Variants in PPFIA2 observed in about 807,000 individuals in gnomAD.
PPFIA2 encodes liprin-alpha-2.
In PPFIA2, 46 loss-of-function variants were observed where a neutral mutation model predicts 175.5. That is an observed-to-expected ratio of 0.26 (90% CI 0.21 to 0.34). The LOEUF (loss-of-function observed/expected upper bound fraction) is 0.34. Ranked by LOEUF, PPFIA2 falls within the 10% of genes least tolerant of loss-of-function variation. The probability of loss-of-function intolerance (pLI) is 1.00; values close to 1 mark genes in which losing one functional copy is unlikely to be tolerated. For missense variants in PPFIA2, 1,179 were observed against 1,506.1 expected (o/e 0.78, Z 3.60); for synonymous variants, 568 against 511.4 (o/e 1.11, Z -1.49).
chr12:81,566,508 G>GT lies in PPFIA2; in HGVS notation c.304-108643dup, dbSNP rs2071313168. 3.0e-5 allele frequency among the ~76,000 whole-genome samples: 4 copies of GT among 131,736 alleles called. No individual in the cohort carries two copies. The Admixed American group carries it at 3.3e-4, about 11-fold the overall frequency. The allele number at this position is 131,736 out of a possible 152,430, so 86.4% of individuals were successfully genotyped here. On this transcript the variant is annotated intron_variant, in intron 4 of 32. Transcript: ENST00000549396. The stretch of plus-strand genomic sequence containing the variant: ...CACTACACTCCAGCCTAGCAGCCTG[G>GT]TGACACAGTGAGACTCCAACTCAAA...
chr12:81,724,637 T>C (rs910183239), intron 3 of PPFIA2, among the ~76,000 whole-genome samples: 11 of 151,034 alleles, frequency 7.3e-5, no homozygotes, highest in Non-Finnish European at 7.4e-5. Flanking sequence ...CTATCCTTGT[T>C]GCTGCAAAAG....
chr12:81,677,702 CAT>C (rs993814871), intron 3 of PPFIA2, among the ~76,000 whole-genome samples: 4 of 151,824 alleles, frequency 2.6e-5, no homozygotes, highest in African/African-American at 9.7e-5. Flanking sequence ...TATTTCTACA[CAT>C]AGAGTATAAA....
At chr12:81,425,970 GC>G (rs1247050087) in intron 7 of PPFIA2, among the ~76,000 whole-genome samples, 1 of 152,100 alleles carries the variant, frequency 6.6e-6, no homozygotes, top group Non-Finnish European at 1.5e-5. Flanking sequence ...AGGAGGTCAG[GC>G]TTTTGCCCTC....
chr12:81,444,291 T>A (rs1008643285), intron 6 of PPFIA2, among the ~76,000 whole-genome samples: 2 of 152,196 alleles, frequency 1.3e-5, no homozygotes, highest in Non-Finnish European at 2.9e-5. Flanking sequence ...TAGCACTAAC[T>A]CTGAACTTCT....
At chr12:81,516,495 A>G (rs1219972465) in intron 4 of PPFIA2, among the ~76,000 whole-genome samples, 2 of 152,182 alleles carry the variant, frequency 1.3e-5, no homozygotes, top group Non-Finnish European at 2.9e-5. Context: ...GGGTCTTTGC[A>G]GACGTTAAAA....
At chr12:81,364,142 G>C (rs900218292) in intron 14 of PPFIA2, among the ~76,000 whole-genome samples, 1 of 151,772 alleles carries the variant, frequency 6.6e-6, no homozygotes, top group African/African-American at 2.4e-5. Context: ...TTAGGAAAAG[G>C]CATGGCAGAT....
Position 81,263,303 on chromosome 12 carries a change from A to C in PPFIA2, c.3643T>G (p.Ser1215Ala), listed in dbSNP as rs2036223958. The C allele has an allele frequency of 1.2e-6, 2 of 1,612,486 alleles. No homozygotes were observed. The highest frequency in any genetic ancestry group is 2.2e-5 in the South Asian group (2 of 90,984). Residue 1215 changes from serine to alanine, a missense_variant, in exon 31 of 33, where the codon TCC (serine) becomes GCC (alanine). Around this residue, in one of 10 missense-constraint regions of PPFIA2, gnomAD observed 245 missense variants for 375.1 expected, o/e 0.65. Coordinates refer to ENST00000549396, the MANE Select transcript of PPFIA2 (RefSeq NM_003625.5). ...AATCCAGCTGGTAATGTTTCTGAGG[A>C]CCCAGGCATCATGCTGATTCCATGT... ...EVHGISMMPG[S>A]SETLPAGFRL...
At chr12:81,369,262 T>G in intron 11 of PPFIA2, 68 bp from the exon 12 acceptor site, 3 of 1,560,806 alleles carry the variant, frequency 1.9e-6, no homozygotes, top group Middle Eastern at 1.7e-4. Context: ...CTAAATAAAT[T>G]GAAATAAAAT....
chr12:81,719,311 A>G (rs2079036375), intron 3 of PPFIA2, among the ~76,000 whole-genome samples: 1 of 151,584 alleles, frequency 6.6e-6, no homozygotes, highest in African/African-American at 2.4e-5. Flanking sequence ...ATGCAAAGCC[A>G]TATCTTGTTT....
chr12:81,528,761 A>T (rs1055812799), intron 4 of PPFIA2, among the ~76,000 whole-genome samples: 5 of 152,070 alleles, frequency 3.3e-5, no homozygotes, highest in African/African-American at 9.7e-5. Flanking sequence ...AATGTGCTAA[A>T]GCCAAGCTTT....
chr12:81,718,982 C>T (rs2078994653), intron 3 of PPFIA2, among the ~76,000 whole-genome samples: 1 of 151,582 alleles, frequency 6.6e-6, no homozygotes, highest in African/African-American at 2.4e-5. Flanking sequence ...ACTATAGCTC[C>T]ATAAATTGTT....
chr12:81,387,582 C>CT (rs1173832166), intron 8 of PPFIA2, among the ~76,000 whole-genome samples: 6 of 152,036 alleles, frequency 3.9e-5, no homozygotes, highest in African/African-American at 1.4e-4. Context: ...AGACAATTGC[C>CT]TTTTTAAAGT....
At chr12:81,444,813 C>T (rs2050910841) in intron 6 of PPFIA2, among the ~76,000 whole-genome samples, 2 of 152,086 alleles carry the variant, frequency 1.3e-5, no homozygotes, top group Non-Finnish European at 2.9e-5. Flanking sequence ...TCCCAATTTC[C>T]ACTCTAACTC....
chr12:81,758,283 C>G (rs533844064), intron 2 of PPFIA2, 117 bp downstream of exon 2: 3 of 425,174 alleles, frequency 7.1e-6, no homozygotes, highest in South Asian at 1.7e-5. Flanking sequence ...AGGCACCTAA[C>G]GGTAATCAAC....
intron 22 of PPFIA2, among the ~76,000 whole-genome samples, chr12:81,324,806 T>C (rs2139756760): frequency 6.6e-6 from 1 of 152,136 alleles, no homozygotes; most frequent in Admixed American, 6.6e-5. Context: ...TCCTACTGAA[T>C]TGGGATATAT....
At chr12:81,634,526 T>C (rs1405711073) in intron 4 of PPFIA2, among the ~76,000 whole-genome samples, 1 of 152,032 alleles carries the variant, frequency 6.6e-6, no homozygotes, top group African/African-American at 2.4e-5. Context: ...GTGAGCTGTT[T>C]TCATGTCTTA....
chr12:81,748,448 G>T (rs950060661), intron 3 of PPFIA2, among the ~76,000 whole-genome samples: 1 of 144,718 alleles, frequency 6.9e-6, no homozygotes, highest in African/African-American at 2.4e-5. Flanking sequence ...AGTTTAAGAA[G>T]CATCTGCTTA....
intron 5 of PPFIA2, among the ~76,000 whole-genome samples, chr12:81,449,043 C>T (rs1017650087): frequency 6.6e-6 from 1 of 152,164 alleles, no homozygotes; most frequent in African/African-American, 2.4e-5. Flanking sequence ...TTTTCTGATC[C>T]TCACTCTGTA....
At chr12:81,357,674 CAA>C (rs1316807724) in intron 16 of PPFIA2, among the ~76,000 whole-genome samples, 2 of 152,066 alleles carry the variant, frequency 1.3e-5, no homozygotes, top group African/African-American at 4.8e-5. Context: ...CCAAGAAAAT[CAA>C]AAGACTACAT....
Sources: gnomAD v4.1 joint callset for allele counts (sites outside exome capture counted in the v4.1 genomes callset) on GRCh38, gnomAD v4.1.1 for gene constraint, gnomAD v4.1.1 regional missense constraint, MANE v1.5 for transcripts, NCBI Gene and HGNC (gene_info 2026-07-23, HGNC 2026-07-21) for gene names.